KCNH1: variants seen among roughly 807,000 people sequenced by gnomAD.
The protein encoded by KCNH1 is potassium voltage-gated channel subfamily H member 1.
In KCNH1, 27 loss-of-function variants were observed where a neutral mutation model predicts 69.2. The observed-to-expected ratio is 0.39, with a 90% confidence interval of 0.29 to 0.54. KCNH1 has a LOEUF of 0.54. Among genes scored for constraint, KCNH1 ranks in the 20% least tolerant of loss-of-function variants. KCNH1 has a pLI of 0.68. For missense variants in KCNH1, 798 were observed against 1,261.6 expected, an observed-to-expected ratio of 0.63 and a Z score of 5.57; for synonymous variants, 456 against 487.7, an observed-to-expected ratio of 0.93 and a Z score of 0.86.
At chr1:210,712,081 A>C (rs1284690670) in intron 10 of KCNH1, among the ~76,000 whole-genome samples, 1 of 152,194 alleles carries the variant, frequency 6.6e-6, no homozygotes, top group Non-Finnish European at 1.5e-5. Context: ...TCTGAGTACA[A>C]CGCTCAGCCA....
chr1:210,875,770 T>C (rs1021752342), intron 7 of KCNH1, among the ~76,000 whole-genome samples: 1 of 148,952 alleles, frequency 6.7e-6, no homozygotes, highest in Non-Finnish European at 1.5e-5. Flanking sequence ...ACTACTGCAC[T>C]CCAGCCTGGG....
At chr1:211,037,498 T>A (rs1347434877) in intron 5 of KCNH1, among the ~76,000 whole-genome samples, 1 of 150,288 alleles carries the variant, frequency 6.7e-6, no homozygotes, top group Non-Finnish European at 1.5e-5. Context: ...AGTGCTTTTT[T>A]TTTTTTTTTT....
chr1:210,863,615 C>A (rs147318953), intron 7 of KCNH1, among the ~76,000 whole-genome samples: 10 of 152,230 alleles, frequency 6.6e-5, no homozygotes, highest in South Asian at 2.1e-4. Flanking sequence ...CCTTAATGTG[C>A]GAGATCTGAA....
intron 7 of KCNH1, among the ~76,000 whole-genome samples, chr1:210,814,545 T>C (rs1276618427): frequency 6.6e-6 from 1 of 152,160 alleles, no homozygotes; most frequent in Non-Finnish European, 1.5e-5. Context: ...CATGGTATAG[T>C]AAAAATAACT....
chr1:210,782,989 T>C (rs138481854), intron 9 of KCNH1, among the ~76,000 whole-genome samples: 71 of 152,320 alleles, frequency 4.7e-4, no homozygotes, highest in African/African-American at 1.6e-3. Flanking sequence ...CACCATCTCA[T>C]TGGGCTGCTG....
Position 210,860,382 on chromosome 1 carries a change from C to A in KCNH1, c.1463-56216G>T. 3.5e-6 allele frequency: 5 copies of A among 1,414,138 alleles called. No homozygotes were observed. In the South Asian group the frequency reaches 5.8e-5, roughly 16 times the overall value. The allele number at this position is 1,414,138 out of a possible 1,614,324, so 87.6% of individuals were successfully genotyped here. On this transcript the variant is annotated intron_variant, in intron 7 of 10. Transcript: ENST00000271751. ...TACCAATGACCTGTAAGCAGATTCC[C>A]TCAAGCTGTTGGGTTATCTCTTTAT...
intron 6 of KCNH1, among the ~76,000 whole-genome samples, chr1:210,980,455 A>G (rs1413752928): frequency 6.6e-6 from 1 of 152,186 alleles, no homozygotes; most frequent in Non-Finnish European, 1.5e-5. Context: ...TCTACCCTCC[A>G]ATGCACTAAC....
At chr1:210,912,277 T>C (rs904126959) in intron 7 of KCNH1, among the ~76,000 whole-genome samples, 3 of 152,188 alleles carry the variant, frequency 2.0e-5, no homozygotes, top group African/African-American at 7.2e-5. Context: ...TACCATGTCC[T>C]GTCCCGTGAA....
Position 211,082,841 on chromosome 1 carries a change from TGCA to T in KCNH1, c.494_496del (p.Leu165del). On this transcript the variant is annotated inframe_deletion, in exon 5 of 11. Transcript: ENST00000271751. ...TTTTTGCACGCTTGGAGCCAGCTGC[TGCA>T]GGACACCCCTGCTGCTTGTCAGTGC... The T allele has an allele frequency of 6.2e-7, 1 of 1,614,190 alleles. No individual in the cohort carries two copies. The highest frequency in any genetic ancestry group is 8.5e-7 in the Non-Finnish European group (1 of 1,180,006).
chr1:211,134,021 G>C lies in KCNH1; in HGVS notation c.-76C>G, dbSNP rs1021680847. 59 of 1,323,048 alleles carry C rather than the reference G, an allele frequency of 4.5e-5. No individual in the cohort carries two copies. In the African/African-American group the frequency reaches 7.3e-4, roughly 16 times the overall value. The allele number at this position is 1,323,048 out of a possible 1,614,324, so 82.0% of individuals were successfully genotyped here. On this transcript the variant is annotated 5_prime_UTR_variant, in exon 1 of 11. Transcript: ENST00000271751. The surrounding 1 kb of genome is among the most constrained non-coding windows in gnomAD (Gnocchi z 5.7). The stretch of plus-strand genomic sequence containing the variant: ...CAGCAGGAAACTGGCCTCGGGGCCC[G>C]CACGCAGTCCCGGCTCGAAGCGCCC...
At chr1:211,021,534 CCT>C (rs1389628474) in intron 5 of KCNH1, among the ~76,000 whole-genome samples, 1 of 151,224 alleles carries the variant, frequency 6.6e-6, no homozygotes, top group Non-Finnish European at 1.5e-5. Flanking sequence ...TCAAACTGTC[CCT>C]GTTTGCAGAT....
At chr1:210,910,656 T>C (rs1309867975) in intron 7 of KCNH1, among the ~76,000 whole-genome samples, 4 of 152,208 alleles carry the variant, frequency 2.6e-5, no homozygotes, top group African/African-American at 9.6e-5. Context: ...CACAAGAAGG[T>C]TGACCGAAGG....
At position 210,810,505 on chromosome 1, in the gene KCNH1, C is replaced by T. The variant is rs942933039; in HGVS notation, c.1463-6339G>A. Among the ~76,000 whole-genome samples, 3 of 151,972 alleles carry T rather than the reference C, an allele frequency of 2.0e-5. 1 individual carries two copies. Among genetic ancestry groups the T allele is most frequent in the African/African-American group, 7.2e-5 (3 of 41,392 alleles). Reference sequence around the variant, plus strand: ...ATTTCTATATTTTCTTTTCCCTGGCCTCCTGTGATGCAGATGTTGGACTCC... The same window carrying T: ...ATTTCTATATTTTCTTTTCCCTGGCTTCCTGTGATGCAGATGTTGGACTCC... On this transcript the variant is annotated intron_variant, in intron 7 of 10. Transcript: ENST00000271751.
At chr1:210,999,676 C>G (rs900745354) in intron 6 of KCNH1, among the ~76,000 whole-genome samples, 1 of 152,182 alleles carries the variant, frequency 6.6e-6, no homozygotes, top group African/African-American at 2.4e-5. Context: ...AGGCCAGCAT[C>G]ATCCTCATAC....
chr1:211,104,380 CA>C (rs138585722), intron 2 of KCNH1, among the ~76,000 whole-genome samples: 2 of 147,590 alleles, frequency 1.4e-5, no homozygotes, highest in African/African-American at 2.5e-5. Flanking sequence ...TAGTTCTCAG[CA>C]AAAAAAAAAT....
chr1:210,700,976 C>T (rs900399572), intron 10 of KCNH1, among the ~76,000 whole-genome samples: 15 of 152,138 alleles, frequency 9.9e-5, no homozygotes, highest in South Asian at 6.2e-4. Flanking sequence ...TTCGCTCTGT[C>T]GCCCAGGCTG....
At chr1:210,828,766 C>T (rs1385036456) in intron 7 of KCNH1, among the ~76,000 whole-genome samples, 1 of 152,102 alleles carries the variant, frequency 6.6e-6, no homozygotes, top group Non-Finnish European at 1.5e-5. Context: ...GGAAAAGATC[C>T]CTGGGGCTCC....
intron 5 of KCNH1, among the ~76,000 whole-genome samples, chr1:211,028,423 C>G (rs1558574007): frequency 6.6e-6 from 1 of 151,090 alleles, no homozygotes; most frequent in Non-Finnish European, 1.5e-5. Context: ...AAAAATAAAA[C>G]TAAAGCAAGC....
At chr1:210,907,815 AC>A (rs1196907541) in intron 7 of KCNH1, among the ~76,000 whole-genome samples, 1 of 152,194 alleles carries the variant, frequency 6.6e-6, no homozygotes, top group African/African-American at 2.4e-5. Context: ...AGCAGATGCT[AC>A]CAGGTGGAAG....
Sources: allele counts gnomAD v4.1 joint callset (sites outside exome capture counted in the v4.1 genomes callset), GRCh38; gene constraint gnomAD v4.1.1; non-coding constraint Gnocchi (gnomAD v3.1); transcripts MANE v1.5; gene names NCBI Gene and HGNC (gene_info 2026-07-23, HGNC 2026-07-21).